XPR1: variants seen among roughly 807,000 people sequenced by gnomAD.
XPR1 encodes xenotropic and polytropic retrovirus receptor 1, also known as solute carrier family 53 member 1.
A neutral mutation model predicts 87.5 loss-of-function variants in XPR1; 28 were observed. The observed-to-expected ratio is 0.32, with a 90% CI of 0.24 to 0.44. XPR1 has a LOEUF of 0.44. Ranked by LOEUF, XPR1 falls within the 20% of genes least tolerant of loss-of-function variation. The probability of loss-of-function intolerance (pLI) is 1.00; values close to 1 mark genes in which losing one functional copy is unlikely to be tolerated. For synonymous variants in XPR1, 300 were observed against 306.1 expected (o/e 0.98, Z 0.21); for missense variants, 559 against 862.3 (o/e 0.65, Z 4.41).
At chr1:180,827,289 CA>C (rs1456951135) in intron 9 of XPR1, among the ~76,000 whole-genome samples, 1 of 152,028 alleles carries the variant, frequency 6.6e-6, no homozygotes, top group East Asian at 1.9e-4. Flanking sequence ...TGTGCCTGGC[CA>C]TAAAATTATT....
In XPR1 at chr1:180,752,633, C is replaced by A. The variant is rs536346992; in HGVS notation, c.122-35120C>A. ...ATACATCTTGTTTGGGGTGAAGGGA[C>A]TTGATGAACTATAATTTTAACTAAG... On this transcript the variant is annotated intron_variant, in intron 2 of 14. Coordinates refer to ENST00000367590, the MANE Select transcript of XPR1 (RefSeq NM_004736.4). Among the ~76,000 whole-genome samples the A allele has an allele frequency of 2.1e-4, 32 of 152,072 alleles. No individual in the cohort carries two copies. In the South Asian group the frequency reaches 6.5e-3, roughly 31 times the overall value.
At chr1:180,738,552 G>T (rs1284645691) in intron 2 of XPR1, among the ~76,000 whole-genome samples, 1 of 152,108 alleles carries the variant, frequency 6.6e-6, no homozygotes, top group Non-Finnish European at 1.5e-5. Flanking sequence ...ATGTTCAGTT[G>T]TTTAGTGGTT....
chr1:180,685,840 T>G (rs1288987027), intron 2 of XPR1, among the ~76,000 whole-genome samples: 1 of 152,170 alleles, frequency 6.6e-6, no homozygotes, highest in Non-Finnish European at 1.5e-5. Flanking sequence ...GATATCCCCT[T>G]TATCATTTTT....
At chr1:180,729,791 G>T (rs1459998373) in intron 2 of XPR1, among the ~76,000 whole-genome samples, 1 of 152,070 alleles carries the variant, frequency 6.6e-6, no homozygotes, top group South Asian at 2.1e-4. Context: ...ATAGATTCTG[G>T]ATATTAGACT....
rs1310953796 is a variant in XPR1 at position 180,885,520 on chromosome 1, A to G, written c.*1454A>G. On this transcript the variant is annotated 3_prime_UTR_variant, in exon 15 of 15. Transcript: ENST00000367590. ...AGTCATCCAAATAAGCCTGAAAACC[A>G]TAAGAGATATTACTTTATTGAATAT... 1 of 152,222 alleles carries G rather than the reference A, an allele frequency of 6.6e-6. No homozygotes were observed. The highest frequency in any genetic ancestry group is 1.5e-5 in the Non-Finnish European group (1 of 68,036). The allele number at this position is 152,222 out of a possible 1,614,324, so 9.4% of individuals were successfully genotyped here. A position where few individuals can be genotyped will look rare whatever the true frequency, so the allele number is the denominator to read the frequency against.
rs894674748 is a variant in XPR1 at position 180,806,296 on chromosome 1, T to A, written c.597+85T>A. The A allele has an allele frequency of 8.3e-6, 13 of 1,560,266 alleles. No homozygotes were observed. The Admixed American group carries it at 2.2e-4, about 27-fold the overall frequency. On this transcript the variant is annotated intron_variant, in intron 5 of 14. Transcript: ENST00000367590. ...GCAATTCCTTATTTCTGTTATTTTG[T>A]AACTAGTTGCTAGCTTTGAATATAT...
At position 180,882,967 on chromosome 1, in the gene XPR1, G is replaced by GTTTTTTTTTTTTTTTT. The variant is rs1156645233; in HGVS notation, c.2031-1037_2031-1036insTTTTTTTTTTTTTTTT. On this transcript the variant is annotated intron_variant, in intron 14 of 14. Transcript: ENST00000367590. ...TCTTATATTTGTTTTTTGGGGGTTGGTTGTTTTTTTTTGGAGACATGGTCT... is the reference window on the plus strand; with the variant it reads ...TCTTATATTTGTTTTTTGGGGGTTGGTTTTTTTTTTTTTTTTTTGTTTTTTTTTGGAGACATGGTCT... Among the ~76,000 whole-genome samples, 386 of 150,392 alleles carry GTTTTTTTTTTTTTTTT rather than the reference G, an allele frequency of 2.6e-3. 4 individuals are homozygous for GTTTTTTTTTTTTTTTT. Among genetic ancestry groups the GTTTTTTTTTTTTTTTT allele is most frequent in the African/African-American group, 8.8e-3 (355 of 40,260 alleles).
intron 9 of XPR1, among the ~76,000 whole-genome samples, chr1:180,833,458 G>C (rs1215056024): frequency 6.6e-6 from 1 of 151,722 alleles, no homozygotes; most frequent in African/African-American, 2.4e-5. Context: ...ACACACATAG[G>C]CTCAAAATAA....
intron 3 of XPR1, among the ~76,000 whole-genome samples, chr1:180,791,767 T>G (rs1007420527): frequency 3.3e-5 from 5 of 152,256 alleles, no homozygotes; most frequent in African/African-American, 1.2e-4. Context: ...TCTATTCTAT[T>G]TGATTTTTTA....
chr1:180,734,032 T>C (rs182858672), intron 2 of XPR1, among the ~76,000 whole-genome samples: 147 of 152,306 alleles, frequency 9.7e-4, no homozygotes, highest in South Asian at 8.7e-3. Context: ...GATTAGAGTA[T>C]CTTCTTCAGG....
At chr1:180,697,748 A>G (rs1657216844) in intron 2 of XPR1, among the ~76,000 whole-genome samples, 1 of 152,044 alleles carries the variant, frequency 6.6e-6, no homozygotes, top group Non-Finnish European at 1.5e-5. Flanking sequence ...ATGTATTTGT[A>G]TAGATTCCGA....
At chr1:180,680,606 G>T (rs142483142) in intron 1 of XPR1, among the ~76,000 whole-genome samples, 35 of 151,960 alleles carry the variant, frequency 2.3e-4, no homozygotes, top group African/African-American at 7.7e-4. Flanking sequence ...CTCGTGATCC[G>T]CTCTCCTCGG....
intron 14 of XPR1, among the ~76,000 whole-genome samples, chr1:180,881,566 G>A (rs1652854208): frequency 6.6e-6 from 1 of 152,196 alleles, no homozygotes; most frequent in South Asian, 2.1e-4. Flanking sequence ...GGGAAAAACT[G>A]AAGGCCAGAA....
intron 11 of XPR1, among the ~76,000 whole-genome samples, chr1:180,839,631 A>T (rs1391083612): frequency 6.6e-6 from 1 of 152,226 alleles, no homozygotes; most frequent in Non-Finnish European, 1.5e-5. Context: ...AATTGACAAC[A>T]GATAGATTAA....
chr1:180,689,821 T>A (rs1042366563), intron 2 of XPR1, among the ~76,000 whole-genome samples: 1 of 152,222 alleles, frequency 6.6e-6, no homozygotes, highest in African/African-American at 2.4e-5. Flanking sequence ...CTCTGTACTA[T>A]CTTTGCACCT....
rs376729870 is a variant in XPR1 at position 180,864,566 on chromosome 1, TCTC to T, written c.1668+695_1668+697del. 1.7e-3 allele frequency among the ~76,000 whole-genome samples: 254 copies of T among 152,280 alleles called. 1 individual carries two copies. Among genetic ancestry groups the T allele is most frequent in the African/African-American group, 5.7e-3 (237 of 41,562 alleles). ...TCTGCTTGATTGCATCAAGAAGACT[TCTC>T]CTTTCATTTATTTCATCTAATATTT... On this transcript the variant is annotated intron_variant, in intron 12 of 14. Transcript: ENST00000367590.
chr1:180,642,773 T>C (rs1438423503), intron 1 of XPR1, among the ~76,000 whole-genome samples: 1 of 152,156 alleles, frequency 6.6e-6, no homozygotes, highest in Non-Finnish European at 1.5e-5. Context: ...GTGATTATGT[T>C]ATAGAGGAAT....
chr1:180,635,908 A>G (rs1283596606), intron 1 of XPR1, among the ~76,000 whole-genome samples: 1 of 152,224 alleles, frequency 6.6e-6, no homozygotes, highest in Non-Finnish European at 1.5e-5. Context: ...TATGTTTGGT[A>G]TATGAAGAGG....
intron 2 of XPR1, among the ~76,000 whole-genome samples, chr1:180,733,535 G>A (rs773376927): frequency 1.3e-5 from 2 of 152,188 alleles, no homozygotes; most frequent in Non-Finnish European, 2.9e-5. Context: ...CTGAGAAAGG[G>A]GATAAGAGAT....
Sources: allele counts gnomAD v4.1 joint callset (sites outside exome capture counted in the v4.1 genomes callset), GRCh38; gene constraint gnomAD v4.1.1; transcripts MANE v1.5; gene names NCBI Gene and HGNC (gene_info 2026-07-23, HGNC 2026-07-21).